The following ASIC2 variants were observed in gnomAD, a reference collection of about 807,000 sequenced individuals.
ASIC2 encodes the protein acid-sensing ion channel 2.
Under a neutral mutation model 57.3 loss-of-function variants are expected in ASIC2, and 25 were observed. The ratio of observed to expected loss-of-function variants is 0.44; its 90% CI spans 0.32 to 0.61. The LOEUF is 0.61. Ranked by LOEUF, ASIC2 falls within the 20% of genes least tolerant of loss-of-function variation. ASIC2 has a pLI of 0.06. For synonymous variants in ASIC2, 319 were observed against 307.5 expected (o/e 1.04, Z -0.39); for missense variants, 641 against 738.1 (o/e 0.87, Z 1.52).
chr17:33,859,161 T>C (rs1914040575), intron 1 of ASIC2, among the ~76,000 whole-genome samples: 1 of 152,176 alleles, frequency 6.6e-6, no homozygotes, highest in African/African-American at 2.4e-5. Context: ...AAACTAGCTA[T>C]AAAAATAATA....
chr17:34,129,702 G>A (rs1911894833), intron 1 of ASIC2, among the ~76,000 whole-genome samples: 1 of 152,186 alleles, frequency 6.6e-6, no homozygotes, highest in South Asian at 2.1e-4. Context: ...ATTTCACCAA[G>A]ATCTTTCTCA....
At chr17:33,918,614 T>A (rs1915640272) in intron 1 of ASIC2, among the ~76,000 whole-genome samples, 1 of 152,130 alleles carries the variant, frequency 6.6e-6, no homozygotes, top group African/African-American at 2.4e-5. Context: ...TGGGAGAAAT[T>A]AAAGAAATAA....
chr17:33,248,308 G>A (rs557508656), intron 1 of ASIC2, among the ~76,000 whole-genome samples: 1 of 152,294 alleles, frequency 6.6e-6, no homozygotes, highest in African/African-American at 2.4e-5. Context: ...CTGAGTACGT[G>A]ATAGTGAAAT....
intron 1 of ASIC2, among the ~76,000 whole-genome samples, chr17:33,827,507 T>C (rs1912965670): frequency 1.7e-4 from 1 of 5,960 alleles, no homozygotes; most frequent in Non-Finnish European, 5.2e-4. Flanking sequence ...ATTTTTTGTC[T>C]TTTTTTTTTT....
chr17:34,066,875 C>T (rs954273134), intron 1 of ASIC2, among the ~76,000 whole-genome samples: 22 of 152,218 alleles, frequency 1.4e-4, no homozygotes, highest in African/African-American at 4.8e-4. Context: ...GGAAACAACA[C>T]ACAATGTCTT....
chr17:33,618,692 A>G (rs1020332405), intron 1 of ASIC2, among the ~76,000 whole-genome samples: 6 of 152,154 alleles, frequency 3.9e-5, no homozygotes, highest in African/African-American at 1.4e-4. Flanking sequence ...ATTAAGTCCA[A>G]ACTCCTTAGC....
intron 1 of ASIC2, among the ~76,000 whole-genome samples, chr17:33,311,198 A>G (rs1906401964): frequency 1.3e-5 from 2 of 152,180 alleles, no homozygotes; most frequent in African/African-American, 2.4e-5. Flanking sequence ...TTTTTCAACC[A>G]TGCTTCTAGG....
chr17:33,500,974 A>G (rs1438029820), intron 1 of ASIC2, among the ~76,000 whole-genome samples: 2 of 152,260 alleles, frequency 1.3e-5, no homozygotes, highest in Non-Finnish European at 2.9e-5. Flanking sequence ...TTGTTTTAGT[A>G]TCGACATGGT....
chr17:33,180,523 G>T (rs1905938619), intron 1 of ASIC2, among the ~76,000 whole-genome samples: 1 of 152,102 alleles, frequency 6.6e-6, no homozygotes, highest in Admixed American at 6.6e-5. Context: ...GGAGGGAATA[G>T]CTTCACTGAA....
rs749766264 is a variant in ASIC2, at chr17:33,088,864, C to A, written c.986G>T (p.Arg329Met). 2 of 1,610,974 alleles carry A rather than the reference C, an allele frequency of 1.2e-6. No homozygotes were observed. The highest frequency in any genetic ancestry group is 1.7e-6 in the Non-Finnish European group (2 of 1,178,632). ...ATCCTGGGAGCCCAGGGAACTTACC[C>A]TCTGCTCCTGTGTGGCCACAAAGGT... ...FQTFVATQEQ[R>M]LTYLPPPWGE... Residue 329 changes from arginine (R) to methionine (M), a missense_variant and splice_region_variant, in exon 3 of 10, where the codon AGG becomes ATG. Coordinates refer to ENST00000225823, the MANE Select transcript of ASIC2 (RefSeq NM_183377.2).
At position 33,372,591 on chromosome 17, in the gene ASIC2, G is replaced by T. The variant is rs990700495; in HGVS notation, c.556-260524C>A. Among the ~76,000 whole-genome samples the T allele has an allele frequency of 1.2e-4, 19 of 152,072 alleles. 1 individual carries two copies. The highest frequency in any genetic ancestry group is 7.4e-5 in the Non-Finnish European group (5 of 68,004). ...TGGGACCTCATTTGGACCTCACCTT[G>T]GTCTCCACATGGACCCTCTGGGCTC... is the stretch of plus-strand genomic sequence containing the variant. On this transcript the variant is annotated intron_variant, in intron 1 of 9. Transcript: ENST00000359872.
At chr17:33,941,742 G>A (rs368538487) in intron 1 of ASIC2, among the ~76,000 whole-genome samples, 1 of 152,172 alleles carries the variant, frequency 6.6e-6, no homozygotes. Flanking sequence ...GAGGTCAAAG[G>A]GAGTTTGGGA....
intron 1 of ASIC2, among the ~76,000 whole-genome samples, chr17:33,915,421 C>T (rs1211648026): frequency 6.6e-6 from 1 of 152,218 alleles, no homozygotes; most frequent in Non-Finnish European, 1.5e-5. Context: ...CCTTCAATTA[C>T]TGCCCTGGCA....
intron 1 of ASIC2, among the ~76,000 whole-genome samples, chr17:33,613,044 G>C (rs972304336): frequency 8.5e-5 from 13 of 152,218 alleles, no homozygotes; most frequent in Admixed American, 8.5e-4. Flanking sequence ...CTCCAAGGAG[G>C]GAGAGGAATT....
At chr17:33,344,186 A>G (rs1055553965) in intron 1 of ASIC2, among the ~76,000 whole-genome samples, 1 of 152,226 alleles carries the variant, frequency 6.6e-6, no homozygotes, top group Admixed American at 6.5e-5. Context: ...TGCATTCCCC[A>G]GTGCCCAATA....
At chr17:33,349,301 G>A (rs888236074) in intron 1 of ASIC2, among the ~76,000 whole-genome samples, 1 of 152,212 alleles carries the variant, frequency 6.6e-6, no homozygotes, top group Non-Finnish European at 1.5e-5. Flanking sequence ...AAACATGTGT[G>A]AGGGTTGAAT....
intron 1 of ASIC2, among the ~76,000 whole-genome samples, chr17:33,174,536 T>C (rs1193386957): frequency 6.6e-6 from 1 of 152,132 alleles, no homozygotes; most frequent in Non-Finnish European, 1.5e-5. Flanking sequence ...TTAATAAGAC[T>C]TGGTTTTGGC....
chr17:33,095,140 T>A (rs1281247325), intron 2 of ASIC2, among the ~76,000 whole-genome samples: 1 of 152,230 alleles, frequency 6.6e-6, no homozygotes, highest in African/African-American at 2.4e-5. Flanking sequence ...ATTTGCAGTG[T>A]CATCATCACC....
intron 1 of ASIC2, among the ~76,000 whole-genome samples, chr17:33,998,598 T>C (rs1293176282): frequency 1.3e-5 from 2 of 152,200 alleles, no homozygotes; most frequent in Non-Finnish European, 2.9e-5. Context: ...AGATATGTTT[T>C]GGTTTCCCAT....
Sources: allele counts gnomAD v4.1 joint callset (sites outside exome capture counted in the v4.1 genomes callset), GRCh38; gene constraint gnomAD v4.1.1; transcripts MANE v1.5; gene names NCBI Gene and HGNC (gene_info 2026-07-23, HGNC 2026-07-21).